The following SUSD3 variants were observed in gnomAD, a reference collection of about 807,000 sequenced individuals.
The protein encoded by SUSD3 is sushi domain-containing protein 3.
Under a neutral mutation model 20.6 loss-of-function variants are expected in SUSD3, and 18 were observed. The observed-to-expected ratio is 0.87, with a 90% CI of 0.60 to 1.30. SUSD3 has a LOEUF of 1.30. SUSD3 is among the 50% of genes most tolerant of loss of function. SUSD3 has a pLI of 0.00. For synonymous variants in SUSD3, 137 were observed against 141.5 expected (o/e 0.97, Z 0.23); for missense variants, 306 against 346.9 (o/e 0.88, Z 0.94).
intron 1 of SUSD3, 49 bp from the exon 2 acceptor site, chr9:93,075,735 T>TGGGGGG: frequency 8.1e-6 from 2 of 247,422 alleles, no homozygotes; most frequent in Non-Finnish European, 7.4e-6. Context: ...CTGCCCTGCG[T>TGGGGGG]GCCCACCCCC....
At chr9:93,062,548 C>A (rs1825550265) in intron 1 of SUSD3, among the ~76,000 whole-genome samples, 1 of 152,154 alleles carries the variant, frequency 6.6e-6, no homozygotes, top group Non-Finnish European at 1.5e-5. Context: ...TCCTCAAAGA[C>A]AGCTGGGGTG....
At chr9:93,075,091 G>C (rs1010116611) in intron 1 of SUSD3, among the ~76,000 whole-genome samples, 2 of 152,136 alleles carry the variant, frequency 1.3e-5, no homozygotes, top group South Asian at 2.1e-4. Flanking sequence ...CAGGAAAAAT[G>C]AGCTCTCCCT....
At chr9:93,059,500 G>A (rs2118891366) in intron 1 of SUSD3, among the ~76,000 whole-genome samples, 1 of 152,338 alleles carries the variant, frequency 6.6e-6, no homozygotes, top group South Asian at 2.1e-4. Context: ...AGGCTCCGGG[G>A]TTCGAATGCT....
At chr9:93,076,938 A>G (rs1274953757) in intron 2 of SUSD3, among the ~76,000 whole-genome samples, 1 of 152,256 alleles carries the variant, frequency 6.6e-6, no homozygotes, top group Non-Finnish European at 1.5e-5. Context: ...CCAGTGTCTC[A>G]GGGAAGGTTC....
At chr9:93,062,120 C>A (rs1402504106) in intron 1 of SUSD3, among the ~76,000 whole-genome samples, 4 of 152,184 alleles carry the variant, frequency 2.6e-5, no homozygotes, top group Non-Finnish European at 5.9e-5. Context: ...GGCTTGGCCC[C>A]CTCCGTACAT....
In SUSD3 at chr9:93,084,885, G is replaced by A. The variant is rs1826592864; in HGVS notation, c.*138G>A. On this transcript the variant is annotated 3_prime_UTR_variant, in exon 5 of 5. Coordinates refer to ENST00000375472, the MANE Select transcript of SUSD3 (RefSeq NM_145006.4). ...AGTGGAATCAGCTTCCAGGTGTAGG[G>A]ACCCCTTGAGGGGCCGAGCTGACAT... is the stretch of plus-strand genomic sequence containing the variant. 10 of 791,564 alleles carry A rather than the reference G, an allele frequency of 1.3e-5. No homozygotes were observed. The highest frequency in any genetic ancestry group is 7.5e-4 in the Middle Eastern group (2 of 2,650). The allele number at this position is 791,564 out of a possible 1,614,324, so 49.0% of individuals were successfully genotyped here. A position where few individuals can be genotyped will look rare whatever the true frequency, so the allele number is the denominator to read the frequency against.
intron 3 of SUSD3, among the ~76,000 whole-genome samples, chr9:93,078,212 A>C (rs950064004): frequency 6.6e-6 from 1 of 152,222 alleles, no homozygotes; most frequent in Non-Finnish European, 1.5e-5. Flanking sequence ...TGGGCCCCCA[A>C]GGCCCTGCTC....
chr9:93,059,676 G>A (rs932287618), intron 1 of SUSD3, among the ~76,000 whole-genome samples: 42 of 152,168 alleles, frequency 2.8e-4, no homozygotes, highest in African/African-American at 7.5e-4. Flanking sequence ...AAGGCTCTGC[G>A]CAGGAGGAAG....
rs1264466092 is a variant in SUSD3, at chr9:93,058,716, C to T, written c.-27C>T. On this transcript the variant is annotated 5_prime_UTR_variant, in exon 1 of 5. Transcript: ENST00000375472. ...AGCCGGGCTCACTCCCCTGGCAGAC[C>T]CCGCCAAGCGCCTCGGAGCGCGCAG... The T allele has an allele frequency of 3.3e-6, 4 of 1,223,260 alleles. No homozygotes were observed. The highest frequency in any genetic ancestry group is 4.1e-6 in the Non-Finnish European group (4 of 979,824). 75.8% of individuals were successfully genotyped at this position (1,223,260 alleles called of 1,614,324 possible).
At chr9:93,063,639 T>G (rs1249571650) in intron 1 of SUSD3, among the ~76,000 whole-genome samples, 5 of 151,994 alleles carry the variant, frequency 3.3e-5, no homozygotes, top group Non-Finnish European at 7.4e-5. Context: ...TTAAAGGAGG[T>G]TGGACCTCTT....
At chr9:93,079,663 C>A (rs1180828685) in intron 4 of SUSD3, 61 bp downstream of exon 4, 1 of 1,580,224 alleles carries the variant, frequency 6.3e-7, no homozygotes, top group African/African-American at 1.3e-5. Context: ...TGGTCAGGCC[C>A]CGGGCCACCT....
At chr9:93,077,503 T>C (rs1416336636) in intron 2 of SUSD3, among the ~76,000 whole-genome samples, 1 of 152,024 alleles carries the variant, frequency 6.6e-6, no homozygotes, top group African/African-American at 2.4e-5. Context: ...AAATACCCTC[T>C]TCAGTTAGCC....
chr9:93,078,528 C>G (rs1411814216), intron 3 of SUSD3, among the ~76,000 whole-genome samples: 1 of 152,178 alleles, frequency 6.6e-6, no homozygotes, highest in Non-Finnish European at 1.5e-5. Flanking sequence ...TCCCAAAGTG[C>G]TGGGATTACA....
At chr9:93,075,411 C>CTT (rs58393196) in intron 1 of SUSD3, among the ~76,000 whole-genome samples, 9,238 of 99,950 alleles carry the variant, frequency 0.092, 392 homozygotes, top group African/African-American at 0.19. Context: ...CTCTGTCCCT[C>CTT]TTTTTTTTTT....
intron 1 of SUSD3, among the ~76,000 whole-genome samples, chr9:93,074,937 A>G (rs1159842132): frequency 6.6e-6 from 1 of 152,110 alleles, no homozygotes; most frequent in Non-Finnish European, 1.5e-5. Flanking sequence ...CCTGTGGCTA[A>G]AGGTTCATAT....
chr9:93,062,450 G>A (rs777452732), intron 1 of SUSD3, among the ~76,000 whole-genome samples: 1 of 152,206 alleles, frequency 6.6e-6, no homozygotes, highest in Non-Finnish European at 1.5e-5. Flanking sequence ...ACCATGGGCT[G>A]GGGAACAGCA....
At chr9:93,084,300 G>A (rs921908580) in intron 4 of SUSD3, among the ~76,000 whole-genome samples, 1 of 152,024 alleles carries the variant, frequency 6.6e-6, no homozygotes, top group Non-Finnish European at 1.5e-5. Context: ...CCTGGGCCAC[G>A]CCCTGGTTGT....
intron 1 of SUSD3, among the ~76,000 whole-genome samples, chr9:93,059,137 C>T (rs924095561): frequency 2.3e-4 from 35 of 152,094 alleles, no homozygotes; most frequent in African/African-American, 7.7e-4. Flanking sequence ...CTCTCCACGC[C>T]GCAGGCTCCG....
chr9:93,066,038 A>T (rs1465873195), intron 1 of SUSD3, among the ~76,000 whole-genome samples: 1 of 152,068 alleles, frequency 6.6e-6, no homozygotes, highest in South Asian at 2.1e-4. Context: ...CATCCCTGGG[A>T]GGTTCTGCCT....
Sources: gnomAD v4.1 joint callset for allele counts (sites outside exome capture counted in the v4.1 genomes callset) on GRCh38, gnomAD v4.1.1 for gene constraint, MANE v1.5 for transcripts, NCBI Gene and HGNC (gene_info 2026-07-23, HGNC 2026-07-21) for gene names.